FRMD4B: variants seen among roughly 807,000 people sequenced by gnomAD.
The protein encoded by FRMD4B is FERM domain-containing protein 4B.
FRMD4B carries 74 observed loss-of-function variants against 141.5 expected under a neutral mutation model. That is an observed-to-expected ratio of 0.52 (90% CI 0.43 to 0.63). The LOEUF (loss-of-function observed/expected upper bound fraction) is 0.63, where lower values mean the gene tolerates loss of function less well. FRMD4B is among the 30% of genes least tolerant of loss of function. The probability of loss-of-function intolerance (pLI) is 0.00; values close to 1 mark genes in which losing one functional copy is unlikely to be tolerated. For missense variants in FRMD4B, 1,366 were observed against 1,253.4 expected, an observed-to-expected ratio of 1.09 and a Z score of -1.36; for synonymous variants, 506 against 467.9, an observed-to-expected ratio of 1.08 and a Z score of -1.05.
intron 2 of FRMD4B, among the ~76,000 whole-genome samples, chr3:69,393,912 G>T (rs2106731139): frequency 6.6e-6 from 1 of 152,282 alleles, no homozygotes; most frequent in Admixed American, 6.5e-5. Context: ...CTAAAGAAAA[G>T]CATTTATGGC....
intron 1 of FRMD4B, among the ~76,000 whole-genome samples, chr3:69,490,923 T>C (rs1414828886): frequency 1.3e-5 from 2 of 152,086 alleles, no homozygotes; most frequent in African/African-American, 4.8e-5. Context: ...CCCTCATTCA[T>C]CCCCACCTCC....
At chr3:69,500,530 C>G (rs1706476320) in intron 1 of FRMD4B, among the ~76,000 whole-genome samples, 1 of 152,028 alleles carries the variant, frequency 6.6e-6, no homozygotes, top group Admixed American at 6.5e-5. Context: ...AAACTACTTG[C>G]AGAGGTGTAG....
At chr3:69,260,217 G>T (rs2093517257) in intron 5 of FRMD4B, among the ~76,000 whole-genome samples, 1 of 152,196 alleles carries the variant, frequency 6.6e-6, no homozygotes, top group Non-Finnish European at 1.5e-5. Flanking sequence ...CCCCTCTCTG[G>T]GTTGGCTGAG....
chr3:69,498,335 G>A (rs1706436084), intron 1 of FRMD4B, among the ~76,000 whole-genome samples: 1 of 152,086 alleles, frequency 6.6e-6, no homozygotes, highest in African/African-American at 2.4e-5. Flanking sequence ...GGCAATAAGG[G>A]GATTTTATGA....
At chr3:69,369,218 C>T (rs1040629479) in intron 1 of FRMD4B, among the ~76,000 whole-genome samples, 2 of 152,206 alleles carry the variant, frequency 1.3e-5, no homozygotes, top group Non-Finnish European at 2.9e-5. Context: ...TTCAGATACA[C>T]AGTCCTATCT....
At chr3:69,540,346 G>A (rs1394450897) in intron 1 of FRMD4B, among the ~76,000 whole-genome samples, 1 of 151,626 alleles carries the variant, frequency 6.6e-6, no homozygotes, top group Non-Finnish European at 1.5e-5. Context: ...CGGGTGCCGC[G>A]GCTCACCCCT....
chr3:69,250,593 C>T (rs1317364699), intron 5 of FRMD4B, among the ~76,000 whole-genome samples: 1 of 151,956 alleles, frequency 6.6e-6, no homozygotes, highest in East Asian at 1.9e-4. Context: ...GTCAATGACA[C>T]ATTGTTGAGT....
At position 69,400,310 on chromosome 3, in the gene FRMD4B, A is replaced by G. The variant is rs192825027; in HGVS notation, c.-1+32324T>C. 7.2e-4 allele frequency among the ~76,000 whole-genome samples: 109 copies of G among 152,162 alleles called. 1 individual carries two copies. In the East Asian group the frequency reaches 0.018, roughly 25 times the overall value. On this transcript the variant is annotated intron_variant, in intron 2 of 5. Coordinates refer to the FRMD4B transcript ENST00000459638. ...GCTGGGTTTGAATCCACGGGTTTGA[A>G]GATGCGGTGAGCTATGAGCTATGAT...
rs887898210 is a variant in FRMD4B at position 69,512,560 on chromosome 3, T to A, written c.-129+29646A>T. On this transcript the variant is annotated intron_variant, in intron 1 of 5. Transcript: ENST00000459638. ...CTCTATAGAGTTACCCAGGGATCCATGATGATGGGTGAGCTCTGCCATTTT... is the reference window on the plus strand; with the variant it reads ...CTCTATAGAGTTACCCAGGGATCCAAGATGATGGGTGAGCTCTGCCATTTT... Among the ~76,000 whole-genome samples, 9 of 152,268 alleles carry A rather than the reference T, an allele frequency of 5.9e-5. No homozygotes were observed. The East Asian group carries it at 1.5e-3, about 26-fold the overall frequency.
At chr3:69,267,578 TGTGTG>T (rs1385412898) in intron 5 of FRMD4B, among the ~76,000 whole-genome samples, 1 of 6,726 alleles carries the variant, frequency 1.5e-4, no homozygotes, top group Non-Finnish European at 3.5e-4. Context: ...TATATATATA[TGTGTG>T]TGTGTGTGTG....
intron 2 of FRMD4B, among the ~76,000 whole-genome samples, chr3:69,431,027 A>C (rs1221291145): frequency 6.6e-6 from 1 of 152,188 alleles, no homozygotes; most frequent in Non-Finnish European, 1.5e-5. Context: ...AGGGAGGGAA[A>C]GAGCCAGGCT....
chr3:69,492,004 A>G (rs890977126), intron 1 of FRMD4B, among the ~76,000 whole-genome samples: 1 of 152,214 alleles, frequency 6.6e-6, no homozygotes, highest in East Asian at 1.9e-4. Flanking sequence ...CGCAAGTACC[A>G]AGACAGTCGG....
At position 69,171,897 on chromosome 3, in the gene FRMD4B, A is replaced by C. The variant is rs777932741; in HGVS notation, c.3069T>G (p.Phe1023Leu). The change falls in exon 23 of 23, where the codon TTT (phenylalanine) becomes TTG (leucine). Residue 1023 changes from phenylalanine (F) to leucine (L), a missense_variant. Phe to Leu is a conservative substitution (Grantham distance 22). Coordinates refer to ENST00000398540, the MANE Select transcript of FRMD4B (RefSeq NM_015123.3). ...TTCCAGGCTTTGAATCTTCATGCCA[A>C]AAGAGTCTCTGCTCACTACTCTCCA... ...DNLESSEQRLFWHEDSKPGTL... is the reference protein window; with the variant it reads ...DNLESSEQRLLWHEDSKPGTL... 4 of 1,613,518 alleles carry C rather than the reference A, an allele frequency of 2.5e-6. No individual in the cohort carries two copies. Among genetic ancestry groups the C allele is most frequent in the Non-Finnish European group, 2.5e-6 (3 of 1,179,486 alleles).
At chr3:69,261,820 G>T (rs532614493) in intron 5 of FRMD4B, among the ~76,000 whole-genome samples, 2 of 152,178 alleles carry the variant, frequency 1.3e-5, no homozygotes, top group African/African-American at 4.8e-5. Context: ...ATACAGGCGT[G>T]TGCCACCATG....
At chr3:69,378,285 G>T (rs1704026506) in intron 1 of FRMD4B, among the ~76,000 whole-genome samples, 1 of 152,128 alleles carries the variant, frequency 6.6e-6, no homozygotes, top group Non-Finnish European at 1.5e-5. Flanking sequence ...CCTTTGGTTG[G>T]GTGGGTATGT....
At chr3:69,190,853 G>C (rs1287128937) in intron 17 of FRMD4B, among the ~76,000 whole-genome samples, 1 of 152,120 alleles carries the variant, frequency 6.6e-6, no homozygotes, top group Non-Finnish European at 1.5e-5. Context: ...TTTAAGTCTT[G>C]GTTTTGCCAT....
At chr3:69,189,222 CAAAAAAAAAAA>C (rs71115659) in intron 18 of FRMD4B, among the ~76,000 whole-genome samples, 7 of 39,774 alleles carry the variant, frequency 1.8e-4, no homozygotes, top group Non-Finnish European at 2.3e-4. Flanking sequence ...AACTCCATCT[CAAAAAAAAAAA>C]AAAAAAAAAA....
intron 1 of FRMD4B, among the ~76,000 whole-genome samples, chr3:69,508,271 C>A (rs972929145): frequency 6.6e-6 from 1 of 152,128 alleles, no homozygotes; most frequent in Non-Finnish European, 1.5e-5. Context: ...AGGTTAATAT[C>A]TAGTTGGAAT....
At chr3:69,319,680 A>G (rs534921934) in intron 1 of FRMD4B, among the ~76,000 whole-genome samples, 1 of 152,164 alleles carries the variant, frequency 6.6e-6, no homozygotes, top group African/African-American at 2.4e-5. Flanking sequence ...TACATAATCA[A>G]TTCTCATGAT....
Sources: allele counts gnomAD v4.1 joint callset (sites outside exome capture counted in the v4.1 genomes callset), GRCh38; gene constraint gnomAD v4.1.1; transcripts MANE v1.5; gene names NCBI Gene and HGNC (gene_info 2026-07-23, HGNC 2026-07-21).